The following RBMS3 variants were observed in gnomAD, a reference collection of about 807,000 sequenced individuals.
The protein encoded by RBMS3 is RNA-binding motif, single-stranded-interacting protein 3.
A neutral mutation model predicts 66.8 loss-of-function variants in RBMS3; 27 were observed. That is an observed-to-expected ratio of 0.40 (90% CI 0.30 to 0.56). The LOEUF (loss-of-function observed/expected upper bound fraction) is 0.56, where lower values mean the gene tolerates loss of function less well. Among genes scored for constraint, RBMS3 ranks in the 20% least tolerant of loss-of-function variants. The pLI, the probability that RBMS3 is intolerant of heterozygous loss-of-function variation, is 0.40. For missense variants in RBMS3, 513 were observed against 549.5 expected, an observed-to-expected ratio of 0.93 and a Z score of 0.66; for synonymous variants, 188 against 183.0, an observed-to-expected ratio of 1.03 and a Z score of -0.22.
chr3:29,300,223 T>C (rs2125444243), intron 1 of RBMS3, among the ~76,000 whole-genome samples: 1 of 152,130 alleles, frequency 6.6e-6, no homozygotes, highest in African/African-American at 2.4e-5. Flanking sequence ...AGGGGAATAT[T>C]ACTGAATAGG....
intron 4 of RBMS3, among the ~76,000 whole-genome samples, chr3:29,618,938 C>T (rs774007567): frequency 3.9e-5 from 6 of 152,072 alleles, no homozygotes; most frequent in African/African-American, 7.2e-5. Context: ...CAAGCCCAAA[C>T]AAAAGTAGGT....
intron 12 of RBMS3, among the ~76,000 whole-genome samples, chr3:29,976,365 G>A (rs1447415310): frequency 1.3e-5 from 2 of 152,104 alleles, no homozygotes; most frequent in Non-Finnish European, 2.9e-5. Flanking sequence ...CCTCCTGGAT[G>A]ATCATTTCAT....
At chr3:29,786,443 T>C (rs1468406827) in intron 6 of RBMS3, among the ~76,000 whole-genome samples, 1 of 152,156 alleles carries the variant, frequency 6.6e-6, no homozygotes, top group Non-Finnish European at 1.5e-5. Context: ...GACTTCAAAC[T>C]ATACTACAAG....
At chr3:29,283,898 G>C (rs951948107) in intron 1 of RBMS3, among the ~76,000 whole-genome samples, 2 of 152,090 alleles carry the variant, frequency 1.3e-5, no homozygotes, top group African/African-American at 4.8e-5. Flanking sequence ...AACTTGCATA[G>C]AGAGGAAATG....
At chr3:29,749,815 A>G (rs960753435) in intron 5 of RBMS3, among the ~76,000 whole-genome samples, 11 of 152,174 alleles carry the variant, frequency 7.2e-5, no homozygotes, top group African/African-American at 2.7e-4. Flanking sequence ...CCATTCCAAT[A>G]AAAGCTTTGG....
At chr3:29,511,270 T>C (rs1315768928) in intron 3 of RBMS3, among the ~76,000 whole-genome samples, 4 of 152,296 alleles carry the variant, frequency 2.6e-5, no homozygotes, top group Middle Eastern at 3.4e-3. Context: ...CACTCCAGCC[T>C]GGGCGACGGA....
intron 1 of RBMS3, among the ~76,000 whole-genome samples, chr3:29,388,616 A>T (rs571151387): frequency 1.6e-4 from 25 of 152,152 alleles, no homozygotes; most frequent in Non-Finnish European, 3.2e-4. Context: ...GCTCTGTCGC[A>T]CAGGCTGGAG....
At chr3:29,721,113 TTATC>T (rs2053625660) in intron 4 of RBMS3, among the ~76,000 whole-genome samples, 2 of 152,202 alleles carry the variant, frequency 1.3e-5, no homozygotes, top group Non-Finnish European at 2.9e-5. Context: ...CAAAATAACA[TTATC>T]TATGATACTA....
chr3:29,665,324 T>C lies in RBMS3; in HGVS notation c.400-74396T>C, dbSNP rs78094794. 7.2e-3 allele frequency among the ~76,000 whole-genome samples: 1,102 copies of C among 152,348 alleles called. 31 individuals are homozygous for C. The highest frequency in any genetic ancestry group is 0.058 in the Admixed American group (894 of 15,302). On this transcript the variant is annotated intron_variant, in intron 4 of 14. Transcript: ENST00000383767. ...CAGCCAATTATATACGATTGATTTA[T>C]TTAATTTTGTCATTTTTTTCTTCTT...
chr3:29,535,106 G>T (rs762798513), intron 3 of RBMS3, among the ~76,000 whole-genome samples: 3 of 152,030 alleles, frequency 2.0e-5, no homozygotes, highest in Non-Finnish European at 4.4e-5. Context: ...TTTACCTAAG[G>T]GTTCTTTATG....
chr3:29,755,089 A>G (rs894313880), intron 5 of RBMS3, among the ~76,000 whole-genome samples: 2 of 152,224 alleles, frequency 1.3e-5, no homozygotes, highest in Non-Finnish European at 2.9e-5. Flanking sequence ...GTGGTAATGT[A>G]TTCCAGAGTC....
intron 1 of RBMS3, among the ~76,000 whole-genome samples, chr3:29,333,441 A>G (rs899636215): frequency 6.6e-6 from 1 of 152,182 alleles, no homozygotes; most frequent in African/African-American, 2.4e-5. Context: ...GATAAAAAGT[A>G]TAATTTAAAA....
At chr3:29,569,798 A>G (rs948578148) in intron 3 of RBMS3, among the ~76,000 whole-genome samples, 1 of 152,188 alleles carries the variant, frequency 6.6e-6, no homozygotes, top group Non-Finnish European at 1.5e-5. Flanking sequence ...TTTCCATTTC[A>G]TTAATTTTAA....
chr3:29,950,588 G>A (rs1391757302), intron 12 of RBMS3, among the ~76,000 whole-genome samples: 1 of 151,820 alleles, frequency 6.6e-6, no homozygotes, highest in Non-Finnish European at 1.5e-5. Flanking sequence ...AGAGACATCT[G>A]ATTCTGGAGA....
intron 5 of RBMS3, among the ~76,000 whole-genome samples, chr3:29,741,918 C>T (rs1030002998): frequency 2.0e-5 from 3 of 152,058 alleles, no homozygotes; most frequent in African/African-American, 7.2e-5. Flanking sequence ...TGCAATAGGG[C>T]CCACCCTAAT....
At chr3:29,634,175 T>G (rs2049385952) in intron 4 of RBMS3, among the ~76,000 whole-genome samples, 1 of 151,942 alleles carries the variant, frequency 6.6e-6, no homozygotes, top group African/African-American at 2.4e-5. Context: ...TCCTTGATGC[T>G]GCTCTTCTTT....
intron 6 of RBMS3, among the ~76,000 whole-genome samples, chr3:29,782,851 TGGAAATCAA>T (rs1426822943): frequency 6.6e-6 from 1 of 152,076 alleles, no homozygotes; most frequent in Non-Finnish European, 1.5e-5. Flanking sequence ...TAACAAATTC[TGGAAATCAA>T]GGACACACTT....
At chr3:29,644,999 C>T (rs2049862660) in intron 4 of RBMS3, among the ~76,000 whole-genome samples, 1 of 152,152 alleles carries the variant, frequency 6.6e-6, no homozygotes, top group Non-Finnish European at 1.5e-5. Flanking sequence ...GTTCACTTCT[C>T]ACAGAATCAA....
intron 1 of RBMS3, among the ~76,000 whole-genome samples, chr3:29,360,440 A>G (rs904317970): frequency 1.3e-5 from 2 of 151,796 alleles, no homozygotes; most frequent in African/African-American, 2.4e-5. Context: ...GTTCTTTTAC[A>G]TTTGCTGAGG....
Sources: allele counts gnomAD v4.1 joint callset (sites outside exome capture counted in the v4.1 genomes callset), GRCh38; gene constraint gnomAD v4.1.1; transcripts MANE v1.5; gene names NCBI Gene and HGNC (gene_info 2026-07-23, HGNC 2026-07-21).